Variants in TTLL6 observed in about 807,000 individuals in gnomAD.
The protein encoded by TTLL6 is tubulin polyglutamylase TTLL6.
TTLL6 carries 75 observed loss-of-function variants against 96.4 expected under a neutral mutation model. That is an observed-to-expected ratio of 0.78 (90% CI 0.65 to 0.94). The LOEUF (loss-of-function observed/expected upper bound fraction) is 0.94. Ranked by LOEUF, TTLL6 falls within the 40% of genes least tolerant of loss-of-function variation. The pLI is 0.00. For synonymous variants in TTLL6, 411 were observed against 419.4 expected (o/e 0.98, Z 0.24); for missense variants, 1,030 against 1,093.0 (o/e 0.94, Z 0.81).
At chr17:48,777,254 G>T (rs1179561494) in intron 13 of TTLL6, among the ~76,000 whole-genome samples, 1 of 152,128 alleles carries the variant, frequency 6.6e-6, no homozygotes, top group Non-Finnish European at 1.5e-5. Flanking sequence ...ATTTGATGTG[G>T]ATCATGAATC....
chr17:48,788,765 C>T (rs1302397015), intron 10 of TTLL6, among the ~76,000 whole-genome samples: 3 of 152,164 alleles, frequency 2.0e-5, no homozygotes, highest in African/African-American at 7.2e-5. Flanking sequence ...CAGAACAAGG[C>T]CACACAGCAC....
intron 8 of TTLL6, among the ~76,000 whole-genome samples, chr17:48,793,378 A>C (rs1217675740): frequency 7.9e-5 from 12 of 152,172 alleles, no homozygotes; most frequent in Non-Finnish European, 1.6e-4. Context: ...ACAAATGTGC[A>C]CTGGGCAAAG....
chr17:48,806,931 G>C (rs1215543834), intron 1 of TTLL6, among the ~76,000 whole-genome samples: 2 of 151,810 alleles, frequency 1.3e-5, no homozygotes, highest in Non-Finnish European at 2.9e-5. Flanking sequence ...TCGGCAGGCT[G>C]AGGCAGGAGA....
chr17:48,776,025 C>T (rs190406666), intron 13 of TTLL6, among the ~76,000 whole-genome samples: 7 of 152,186 alleles, frequency 4.6e-5, no homozygotes, highest in East Asian at 1.9e-4. Context: ...CCCTATTCAA[C>T]GTTGTACCAG....
At chr17:48,797,308 T>A in intron 6 of TTLL6, 104 bp from the exon 7 acceptor site, 1 of 1,286,270 alleles carries the variant, frequency 7.8e-7, no homozygotes, top group African/African-American at 1.5e-5. Context: ...CAACATTGCC[T>A]AGTGTTGTGG....
At chr17:48,764,034 G>A (rs2038542673) in intron 15 of TTLL6, among the ~76,000 whole-genome samples, 1 of 152,040 alleles carries the variant, frequency 6.6e-6, no homozygotes, top group Non-Finnish European at 1.5e-5. Flanking sequence ...TACTCAGGAG[G>A]CAGAAGTGGG....
In TTLL6 at chr17:48,797,149, G is replaced by T; in HGVS notation, c.824C>A (p.Ser275Tyr). 1 of 1,551,606 alleles carries T rather than the reference G, an allele frequency of 6.4e-7. No individual in the cohort carries two copies. The highest frequency in any genetic ancestry group is 8.7e-7 in the Non-Finnish European group (1 of 1,146,966). Residue 275 changes from serine to tyrosine, a missense_variant, in exon 7 of 16, where the codon TCC becomes TAC. Ser to Tyr is a moderately radical substitution (Grantham distance 144, BLOSUM62 -2). Transcript: ENST00000393382. Reference protein sequence around the residue: ...FDLRIYVLVTSCDPLRIFVYN... With the variant: ...FDLRIYVLVTYCDPLRIFVYN... ...CACAAAAATCCTGAGAGGGTCACAG[G>T]ATGTCACCAGTACATAAATCCGTAG...
At chr17:48,767,052 G>C (rs1164744842) in intron 15 of TTLL6, among the ~76,000 whole-genome samples, 2 of 152,122 alleles carry the variant, frequency 1.3e-5, no homozygotes, top group East Asian at 3.9e-4. Context: ...CTACAGGCAC[G>C]TGCCATCATG....
At chr17:48,794,348 C>T (rs2039282680) in intron 8 of TTLL6, 6 of 1,572,658 alleles carry the variant, frequency 3.8e-6, no homozygotes, top group Non-Finnish European at 5.2e-6. Context: ...AGTAACCACG[C>T]ACACTGTCTG....
intron 1 of TTLL6, 68 bp downstream of exon 1, chr17:48,816,902 G>T: frequency 8.0e-7 from 1 of 1,254,970 alleles, no homozygotes; most frequent in Non-Finnish European, 1.1e-6. Context: ...TGTCTAGCCA[G>T]GTTTTCAGGG....
In TTLL6 at chr17:48,769,782, G is replaced by A. The variant is rs2038696609; in HGVS notation, c.2356C>T (p.Leu786Phe). The A allele has an allele frequency of 2.5e-6, 4 of 1,614,228 alleles. No homozygotes were observed. Among genetic ancestry groups the A allele is most frequent in the Non-Finnish European group, 3.4e-6 (4 of 1,180,050 alleles). Residue 786 changes from leucine (L) to phenylalanine (F), a missense_variant, in exon 14 of 16, where the codon CTC becomes TTC. Coordinates refer to ENST00000393382, the MANE Select transcript of TTLL6 (RefSeq NM_001130918.3). ...LLTKLQLSGK[L>F]SFFPAHYNPK... is the part of the protein sequence containing the mutation. ...TTGTAGTGAGCTGGGAAGAAGGAGAGCTTCCCACTCAGTTGAAGCTTGGTG... is the reference window on the plus strand; with the variant it reads ...TTGTAGTGAGCTGGGAAGAAGGAGAACTTCCCACTCAGTTGAAGCTTGGTG...
rs1277627834 is a variant in TTLL6, at chr17:48,787,927, T to C, written c.1473A>G (p.Gly491=). The C allele has an allele frequency of 6.2e-7, 1 of 1,614,182 alleles. No individual in the cohort carries two copies. The highest frequency in any genetic ancestry group is 8.5e-7 in the Non-Finnish European group (1 of 1,180,032). ...KTETYEKENC[G]GFRLIYPSLN... ...GACTGGGATAAATCAGTCGGAACCCTCCACAGTTTTCCTTCTCATACGTTT... is the reference window on the plus strand; with the variant it reads ...GACTGGGATAAATCAGTCGGAACCCCCCACAGTTTTCCTTCTCATACGTTT... The change falls in exon 11 of 16, where the codon GGA becomes GGG. Residue 491 remains glycine, a synonymous_variant. Coordinates refer to ENST00000393382, the MANE Select transcript of TTLL6 (RefSeq NM_001130918.3).
chr17:48,780,149 T>G (rs1037269443), intron 13 of TTLL6, among the ~76,000 whole-genome samples: 3 of 152,182 alleles, frequency 2.0e-5, no homozygotes, highest in Non-Finnish European at 2.9e-5. Flanking sequence ...ACATTTTGTT[T>G]GTTTATTTAT....
Position 48,810,139 on chromosome 17 carries a change from C to CAA in TTLL6, c.104-5150_104-5149dup, listed in dbSNP as rs59291777. On this transcript the variant is annotated intron_variant, in intron 1 of 15. Coordinates refer to ENST00000393382, the MANE Select transcript of TTLL6 (RefSeq NM_001130918.3). ...GGACAACAAGAGCGAAACTCTGTCT[C>CAA]AAAAAAAAAAAAAAAAAAAGGAAAA... is the stretch of plus-strand genomic sequence containing the variant. Among the ~76,000 whole-genome samples the CAA allele has an allele frequency of 6.0e-3, 367 of 61,580 alleles. 4 individuals carry two copies. Among genetic ancestry groups the CAA allele is most frequent in the African/African-American group, 0.02 (351 of 17,792 alleles). The allele number at this position is 61,580 out of a possible 152,430, so 40.4% of individuals were successfully genotyped here. A position where few individuals can be genotyped will look rare whatever the true frequency, so the allele number is the denominator to read the frequency against.
chr17:48,791,280 G>A (rs894476041), intron 9 of TTLL6, 98 bp downstream of exon 9: 1 of 1,113,494 alleles, frequency 9.0e-7, no homozygotes, highest in Non-Finnish European at 1.3e-6. Flanking sequence ...GGCCTGGGAA[G>A]TTGAAACAAT....
chr17:48,786,206 T>C lies in TTLL6; in HGVS notation c.1719A>G (p.Lys573=). The change falls in exon 12 of 16, where the codon AAA becomes AAG. Residue 573 remains lysine (K), a synonymous_variant. Transcript: ENST00000393382. ...TGGCGGCCTTGTCTTTCTGCTGTTG[T>C]TTCTGTTGCCAGCCCCTCATGCCCT... The part of the protein sequence containing the change: ...RKKGMRGWQQ[K]QQQKDKAATQ... 6.2e-7 allele frequency: 1 copy of C among 1,614,220 alleles called. No homozygotes were observed. Among genetic ancestry groups the C allele is most frequent in the Non-Finnish European group, 8.5e-7 (1 of 1,180,036 alleles).
chr17:48,776,402 A>T (rs984612372), intron 13 of TTLL6, among the ~76,000 whole-genome samples: 1 of 152,212 alleles, frequency 6.6e-6, no homozygotes, highest in Non-Finnish European at 1.5e-5. Context: ...TGGAGGTTGC[A>T]GTGAGCCGAG....
chr17:48,770,334 G>A lies in TTLL6; in HGVS notation c.2041-237C>T, dbSNP rs550799299. ...ATTAAAATAAACAGATTAAGAGCTG[G>A]TTCATTAGCAGCAAGAAAGATTAGG... On this transcript the variant is annotated intron_variant, in intron 13 of 15. Transcript: ENST00000393382. 4.6e-5 allele frequency among the ~76,000 whole-genome samples: 7 copies of A among 151,986 alleles called. No individual in the cohort carries two copies. The East Asian group carries it at 1.4e-3, about 29-fold the overall frequency.
intron 13 of TTLL6, among the ~76,000 whole-genome samples, chr17:48,778,794 G>A (rs941343957): frequency 5.3e-5 from 8 of 152,130 alleles, no homozygotes; most frequent in Middle Eastern, 6.8e-3. Flanking sequence ...GCTGGGCGTG[G>A]TGGTGCTCAT....
Sources: allele counts gnomAD v4.1 joint callset (sites outside exome capture counted in the v4.1 genomes callset), GRCh38; gene constraint gnomAD v4.1.1; transcripts MANE v1.5; gene names NCBI Gene and HGNC (gene_info 2026-07-23, HGNC 2026-07-21).